The following PTPRM variants were observed in gnomAD, a reference collection of about 807,000 sequenced individuals.
The protein encoded by PTPRM is receptor-type tyrosine-protein phosphatase mu.
Under a neutral mutation model 186.7 loss-of-function variants are expected in PTPRM, and 47 were observed. The observed-to-expected ratio is 0.25, with a 90% CI of 0.20 to 0.32. The LOEUF is 0.32. Among genes scored for constraint, PTPRM ranks in the 10% least tolerant of loss-of-function variants. The pLI is 1.00. For missense variants in PTPRM, 1,494 were observed against 1,865.0 expected (o/e 0.80, Z 3.66); for synonymous variants, 668 against 674.9 (o/e 0.99, Z 0.16).
chr18:7,831,718 GT>G (rs1217605255), intron 2 of PTPRM, among the ~76,000 whole-genome samples: 4 of 152,024 alleles, frequency 2.6e-5, no homozygotes, highest in Admixed American at 2.6e-4. Context: ...TATTCACTCT[GT>G]TTTTTTGGTA....
At chr18:8,359,748 G>A (rs2095585342) in intron 23 of PTPRM, among the ~76,000 whole-genome samples, 1 of 152,228 alleles carries the variant, frequency 6.6e-6, no homozygotes, top group Non-Finnish European at 1.5e-5. Context: ...CTGCTCGGGT[G>A]TGCACAGCTG....
chr18:8,372,795 A>G (rs1568852419), intron 24 of PTPRM, among the ~76,000 whole-genome samples: 1 of 152,032 alleles, frequency 6.6e-6, no homozygotes, highest in Non-Finnish European at 1.5e-5. Flanking sequence ...GCATTAAAAC[A>G]GCGATAAAAG....
chr18:8,109,414 G>A (rs918828544), intron 11 of PTPRM, among the ~76,000 whole-genome samples: 1 of 152,172 alleles, frequency 6.6e-6, no homozygotes, highest in Middle Eastern at 3.2e-3. Flanking sequence ...AAGACATTTT[G>A]GGTTTGAAAT....
rs574614806 is a variant in PTPRM at position 8,324,730 on chromosome 18, C to T, written c.2956+5516C>T. Among the ~76,000 whole-genome samples, 4 of 152,276 alleles carry T rather than the reference C, an allele frequency of 2.6e-5. No homozygotes were observed. In the South Asian group the frequency reaches 8.3e-4, roughly 32 times the overall value. ...AAATATGGGAGATATATGGGATTGT[C>T]CCCAATTTATAAATGAGAGGAAAGG... On this transcript the variant is annotated intron_variant, in intron 22 of 32. Transcript: ENST00000580170.
chr18:8,369,767 A>C (rs1394962368), intron 23 of PTPRM, among the ~76,000 whole-genome samples: 1 of 152,132 alleles, frequency 6.6e-6, no homozygotes, highest in Non-Finnish European at 1.5e-5. Flanking sequence ...ACCTGGCAGC[A>C]TAGCAAGACC....
chr18:8,253,256 A>G lies in PTPRM; in HGVS notation c.2596A>G (p.Ser866Gly), dbSNP rs765155422. ...AACCCACACAATGGCCAGCGATACC[A>G]GCAGCCTGGTGCAGTCCCATACTTA... ...DETHTMASDTSSLVQSHTYKK... is the reference protein window; with the variant it reads ...DETHTMASDTGSLVQSHTYKK... The change falls in exon 19 of 33, where the codon AGC becomes GGC. Residue 866 changes from serine to glycine, a missense_variant. This residue lies in a region of PTPRM where 1,107 missense variants were observed against 1,350.2 expected (regional missense o/e 0.82). Transcript: ENST00000580170. The G allele has an allele frequency of 5.8e-6, 9 of 1,547,920 alleles. No homozygotes were observed. The highest frequency in any genetic ancestry group is 7.9e-6 in the Non-Finnish European group (9 of 1,146,002).
intron 14 of PTPRM, among the ~76,000 whole-genome samples, chr18:8,229,754 A>G (rs1040056579): frequency 6.6e-6 from 1 of 152,224 alleles, no homozygotes; most frequent in Non-Finnish European, 1.5e-5. Flanking sequence ...AGTTTGAGAA[A>G]GACTAATTTT....
intron 11 of PTPRM, among the ~76,000 whole-genome samples, chr18:8,091,674 G>C (rs1166413935): frequency 6.6e-6 from 1 of 150,910 alleles, no homozygotes; most frequent in East Asian, 1.9e-4. Flanking sequence ...ATTATCTGTA[G>C]AATAGATGGA....
At chr18:8,067,391 A>G (rs2089166832) in intron 7 of PTPRM, among the ~76,000 whole-genome samples, 1 of 152,252 alleles carries the variant, frequency 6.6e-6, no homozygotes, top group Non-Finnish European at 1.5e-5. Flanking sequence ...TAATTTATTT[A>G]TGACATTTTC....
At chr18:7,730,572 G>A (rs1449298074) in intron 1 of PTPRM, among the ~76,000 whole-genome samples, 1 of 152,166 alleles carries the variant, frequency 6.6e-6, no homozygotes, top group Non-Finnish European at 1.5e-5. Context: ...TAGCTGGTCT[G>A]TATCACTCTT....
rs566499588 is a variant in PTPRM, at chr18:8,076,787, A to G, written c.1551+223A>G. 3.3e-5 allele frequency among the ~76,000 whole-genome samples: 5 copies of G among 152,218 alleles called. No homozygotes were observed. In the South Asian group the frequency reaches 1.0e-3, roughly 32 times the overall value. On this transcript the variant is annotated intron_variant, in intron 9 of 32. Transcript: ENST00000580170. The stretch of plus-strand genomic sequence containing the variant: ...TTTACAATGAGTTGGACCTTTCCAG[A>G]TTATATGTTATTATATGTTAAGACA...
At chr18:8,364,775 C>T (rs2095618138) in intron 23 of PTPRM, 1 of 152,212 alleles carries the variant, frequency 6.6e-6, no homozygotes, top group African/African-American at 2.4e-5. Flanking sequence ...ATCCCTTCTT[C>T]CCCTTTAAAG....
chr18:8,365,210 C>T (rs964338509), intron 23 of PTPRM, among the ~76,000 whole-genome samples: 1 of 152,196 alleles, frequency 6.6e-6, no homozygotes, highest in African/African-American at 2.4e-5. Context: ...GGAGTCAGAG[C>T]CTGCGTTTCA....
chr18:8,164,495 A>G (rs1187609398), intron 14 of PTPRM, among the ~76,000 whole-genome samples: 3 of 152,246 alleles, frequency 2.0e-5, no homozygotes, highest in African/African-American at 7.2e-5. Context: ...GTCTATCCAT[A>G]CAACGGAGTA....
intron 14 of PTPRM, among the ~76,000 whole-genome samples, chr18:8,168,912 T>C (rs966852194): frequency 7.2e-5 from 11 of 152,248 alleles, no homozygotes; most frequent in African/African-American, 2.7e-4. Context: ...GTAGATAGTT[T>C]ATGAAGACGA....
chr18:7,966,675 G>A (rs556320720), intron 7 of PTPRM, among the ~76,000 whole-genome samples: 72 of 148,094 alleles, frequency 4.9e-4, no homozygotes, highest in South Asian at 1.6e-3. Flanking sequence ...TTCCCTTTCC[G>A]AGTCAAAGAA....
At chr18:7,893,449 AC>A (rs2049181087) in intron 3 of PTPRM, among the ~76,000 whole-genome samples, 1 of 152,210 alleles carries the variant, frequency 6.6e-6, no homozygotes. Context: ...TAAAAAGCCC[AC>A]ATCCTGACTT....
chr18:8,035,332 G>A (rs2086250576), intron 7 of PTPRM, among the ~76,000 whole-genome samples: 1 of 152,052 alleles, frequency 6.6e-6, no homozygotes. Context: ...TGCAAATCAT[G>A]CAGAAAAAAT....
chr18:7,985,062 T>TATA (rs2082837230), intron 7 of PTPRM, among the ~76,000 whole-genome samples: 1 of 124,230 alleles, frequency 8.0e-6, no homozygotes, highest in South Asian at 2.4e-4. Flanking sequence ...TATATACATA[T>TATA]AATTGTATAT....
Sources: gnomAD v4.1 joint callset for allele counts (sites outside exome capture counted in the v4.1 genomes callset) on GRCh38, gnomAD v4.1.1 for gene constraint, gnomAD v4.1.1 regional missense constraint, MANE v1.5 for transcripts, NCBI Gene and HGNC (gene_info 2026-07-23, HGNC 2026-07-21) for gene names.